CNTNAP2: variants seen among roughly 807,000 people sequenced by gnomAD.
The protein encoded by CNTNAP2 is contactin-associated protein-like 2.
In CNTNAP2, 98 loss-of-function variants were observed where a neutral mutation model predicts 155.2. The observed-to-expected ratio is 0.63, with a 90% CI of 0.54 to 0.75. CNTNAP2 has a LOEUF of 0.75. Among genes scored for constraint, CNTNAP2 ranks in the 30% least tolerant of loss-of-function variants. CNTNAP2 has a pLI of 0.00. For missense variants in CNTNAP2, 1,727 were observed against 1,688.1 expected, an observed-to-expected ratio of 1.02 and a Z score of -0.40; for synonymous variants, 651 against 631.2, an observed-to-expected ratio of 1.03 and a Z score of -0.47.
intron 1 of CNTNAP2, among the ~76,000 whole-genome samples, chr7:146,551,503 G>A (rs1401168870): frequency 6.6e-6 from 1 of 151,946 alleles, no homozygotes; most frequent in Admixed American, 6.6e-5. Flanking sequence ...ATTCCATGGT[G>A]TATATGTGCC....
chr7:147,164,364 G>T (rs939094215), intron 8 of CNTNAP2, among the ~76,000 whole-genome samples: 7 of 152,198 alleles, frequency 4.6e-5, no homozygotes, highest in African/African-American at 1.2e-4. Context: ...AAGTAGTTAG[G>T]CTCTGCGCCA....
rs181029689 is a variant in CNTNAP2, at chr7:147,665,972, C to T, written c.2098+26666C>T. Among the ~76,000 whole-genome samples the T allele has an allele frequency of 1.7e-3, 260 of 152,294 alleles. 2 individuals carry two copies. Among genetic ancestry groups the T allele is most frequent in the Non-Finnish European group, 5.1e-4 (35 of 68,026 alleles). ...ATTAGAGTTCTCATTACTCTGTATG[C>T]TTCTCAGCACTTAATAGTGTATCTA... On this transcript the variant is annotated intron_variant, in intron 13 of 23. Coordinates refer to ENST00000361727, the MANE Select transcript of CNTNAP2 (RefSeq NM_014141.6).
intron 13 of CNTNAP2, among the ~76,000 whole-genome samples, chr7:147,798,559 A>T (rs952353107): frequency 6.6e-6 from 1 of 152,188 alleles, no homozygotes; most frequent in African/African-American, 2.4e-5. Context: ...CAGATGTAAC[A>T]TCTAGACATA....
chr7:147,632,257 A>T (rs1795098888), intron 12 of CNTNAP2, among the ~76,000 whole-genome samples: 1 of 152,180 alleles, frequency 6.6e-6, no homozygotes, highest in Non-Finnish European at 1.5e-5. Flanking sequence ...AGGGAAAGGC[A>T]AATCAAAACC....
At chr7:147,483,827 G>A (rs979483060) in intron 10 of CNTNAP2, among the ~76,000 whole-genome samples, 3 of 152,076 alleles carry the variant, frequency 2.0e-5, no homozygotes, top group Non-Finnish European at 4.4e-5. Flanking sequence ...GTGTTCCCAC[G>A]CCTCAGGGCC....
At chr7:146,214,744 C>T (rs1327760282) in intron 1 of CNTNAP2, among the ~76,000 whole-genome samples, 1 of 152,014 alleles carries the variant, frequency 6.6e-6, no homozygotes, top group Non-Finnish European at 1.5e-5. Flanking sequence ...CAGAGTTATT[C>T]CTTTAAGAAA....
At chr7:146,620,184 C>T (rs1799294021) in intron 1 of CNTNAP2, among the ~76,000 whole-genome samples, 1 of 152,036 alleles carries the variant, frequency 6.6e-6, no homozygotes, top group Non-Finnish European at 1.5e-5. Flanking sequence ...GAGTTGTCTC[C>T]ATAAAAGAAC....
intron 13 of CNTNAP2, among the ~76,000 whole-genome samples, chr7:147,694,064 G>T (rs1260670613): frequency 6.6e-6 from 1 of 151,982 alleles, no homozygotes; most frequent in African/African-American, 2.4e-5. Flanking sequence ...TTAATCATGA[G>T]TGGGTACTGG....
chr7:146,244,308 G>A (rs1799610456), intron 1 of CNTNAP2, among the ~76,000 whole-genome samples: 1 of 152,166 alleles, frequency 6.6e-6, no homozygotes, highest in East Asian at 1.9e-4. Context: ...AACCGGCAGT[G>A]TAAACAAGAG....
At chr7:146,703,345 G>A (rs768364059) in intron 1 of CNTNAP2, among the ~76,000 whole-genome samples, 12 of 152,072 alleles carry the variant, frequency 7.9e-5, no homozygotes, top group Admixed American at 7.2e-4. Flanking sequence ...TTGGTAATGT[G>A]TACGAAAAAA....
At chr7:147,794,735 T>G (rs989167147) in intron 13 of CNTNAP2, among the ~76,000 whole-genome samples, 1 of 151,328 alleles carries the variant, frequency 6.6e-6, no homozygotes, top group Non-Finnish European at 1.5e-5. Flanking sequence ...TCTTTATGGG[T>G]AGTTTTTTTT....
At chr7:147,769,919 A>C (rs1413234602) in intron 13 of CNTNAP2, among the ~76,000 whole-genome samples, 4 of 152,176 alleles carry the variant, frequency 2.6e-5, no homozygotes, top group Admixed American at 2.6e-4. Context: ...AAGCTAGTAC[A>C]CGTAAATCAC....
intron 15 of CNTNAP2, among the ~76,000 whole-genome samples, chr7:148,020,819 G>A (rs1313219813): frequency 6.6e-6 from 1 of 152,150 alleles, no homozygotes. Flanking sequence ...CTCCTGAGGT[G>A]AGCATAAAAA....
intron 13 of CNTNAP2, among the ~76,000 whole-genome samples, chr7:147,723,064 G>T (rs1000215936): frequency 2.0e-5 from 3 of 151,982 alleles, no homozygotes; most frequent in African/African-American, 7.2e-5. Flanking sequence ...GAAACTTAGG[G>T]CTTGAGAAAT....
chr7:147,603,724 T>C (rs1801003252), intron 12 of CNTNAP2, among the ~76,000 whole-genome samples: 1 of 152,096 alleles, frequency 6.6e-6, no homozygotes, highest in South Asian at 2.1e-4. Flanking sequence ...AAAACTACTT[T>C]AAAGTTCATA....
At chr7:146,658,456 T>A (rs1800031085) in intron 1 of CNTNAP2, among the ~76,000 whole-genome samples, 1 of 152,156 alleles carries the variant, frequency 6.6e-6, no homozygotes, top group Non-Finnish European at 1.5e-5. Flanking sequence ...TTCATCCTTT[T>A]CATTTTGAAG....
At chr7:146,730,639 T>C (rs1270666539) in intron 1 of CNTNAP2, among the ~76,000 whole-genome samples, 3 of 152,162 alleles carry the variant, frequency 2.0e-5, no homozygotes, top group African/African-American at 7.2e-5. Flanking sequence ...CCGCAACATA[T>C]ATATACAAGG....
At chr7:146,855,167 G>A (rs142511294) in intron 3 of CNTNAP2, among the ~76,000 whole-genome samples, 31 of 152,226 alleles carry the variant, frequency 2.0e-4, no homozygotes, top group East Asian at 1.9e-4. Context: ...GGCAAAGACC[G>A]AAAAGGTTGT....
intron 12 of CNTNAP2, among the ~76,000 whole-genome samples, chr7:147,593,849 G>A (rs1427084722): frequency 6.6e-6 from 1 of 152,140 alleles, no homozygotes; most frequent in African/African-American, 2.4e-5. Context: ...GTTAAAGGAG[G>A]AGAAAGGCCA....
Sources: allele counts gnomAD v4.1 joint callset (sites outside exome capture counted in the v4.1 genomes callset), GRCh38; gene constraint gnomAD v4.1.1; transcripts MANE v1.5; gene names NCBI Gene and HGNC (gene_info 2026-07-23, HGNC 2026-07-21).